BAIAP2L1: variants seen among roughly 807,000 people sequenced by gnomAD.
BAIAP2L1 encodes the protein BAR/IMD domain containing adaptor protein 2 like 1, also known as BAR/IMD domain-containing adapter protein 2-like 1.
A neutral mutation model predicts 66.3 loss-of-function variants in BAIAP2L1; 35 were observed. That is an observed-to-expected ratio of 0.53 (90% CI 0.40 to 0.70). The LOEUF (loss-of-function observed/expected upper bound fraction) is 0.70. Among genes scored for constraint, BAIAP2L1 ranks in the 30% least tolerant of loss-of-function variants. The probability of loss-of-function intolerance (pLI) is 0.00; values close to 1 mark genes in which losing one functional copy is unlikely to be tolerated. For missense variants in BAIAP2L1, 622 were observed against 656.9 expected (o/e 0.95, Z 0.58); for synonymous variants, 269 against 248.7 (o/e 1.08, Z -0.77).
chr7:98,400,026 C>A (rs948252915), intron 1 of BAIAP2L1: 1 of 151,872 alleles, frequency 6.6e-6, no homozygotes, highest in East Asian at 2.0e-4. Context: ...CATTCTTGGG[C>A]GCTTTCTTTT....
chr7:98,384,948 C>G (rs1802852659), intron 1 of BAIAP2L1, among the ~76,000 whole-genome samples: 1 of 152,300 alleles, frequency 6.6e-6, no homozygotes, highest in Admixed American at 6.5e-5. Flanking sequence ...ATCCAACCAC[C>G]TTGGCCACCC....
At chr7:98,300,463 T>C (rs544606535) in intron 12 of BAIAP2L1, among the ~76,000 whole-genome samples, 20 of 152,330 alleles carry the variant, frequency 1.3e-4, no homozygotes, top group African/African-American at 4.1e-4. Context: ...CTGCATAGGA[T>C]GTTAGAATAA....
intron 1 of BAIAP2L1, chr7:98,386,392 G>C (rs943474872): frequency 6.3e-7 from 1 of 1,591,424 alleles, no homozygotes; most frequent in Non-Finnish European, 8.5e-7. Flanking sequence ...TCAAACACAC[G>C]ACCCTTGAGA....
chr7:98,325,966 G>A (rs1318296770), intron 3 of BAIAP2L1, among the ~76,000 whole-genome samples: 2 of 152,218 alleles, frequency 1.3e-5, no homozygotes, highest in Non-Finnish European at 2.9e-5. Flanking sequence ...TGGAAGTGAG[G>A]TGCCCTCCTG....
At chr7:98,369,006 T>C (rs1364657452) in intron 1 of BAIAP2L1, among the ~76,000 whole-genome samples, 1 of 151,766 alleles carries the variant, frequency 6.6e-6, no homozygotes, top group African/African-American at 2.4e-5. Flanking sequence ...CTGCGTCACA[T>C]GGTAGGCACG....
chr7:98,313,975 TTTC>T (rs1416544552), intron 7 of BAIAP2L1, among the ~76,000 whole-genome samples: 1 of 143,892 alleles, frequency 6.9e-6, no homozygotes, highest in Non-Finnish European at 1.5e-5. Context: ...AATACTCCTT[TTTC>T]TTCCTTTTTT....
At chr7:98,318,530 T>C (rs989790674) in intron 5 of BAIAP2L1, among the ~76,000 whole-genome samples, 10 of 151,760 alleles carry the variant, frequency 6.6e-5, no homozygotes, top group African/African-American at 1.2e-4. Context: ...CCACCCGCCT[T>C]GGCCTCCCAA....
chr7:98,393,130 T>C (rs898907679), intron 1 of BAIAP2L1, among the ~76,000 whole-genome samples: 8 of 101,072 alleles, frequency 7.9e-5, no homozygotes, highest in African/African-American at 1.2e-4. Context: ...TATGTATATA[T>C]ACACACATAT....
intron 1 of BAIAP2L1, among the ~76,000 whole-genome samples, chr7:98,381,069 T>C (rs975628285): frequency 2.0e-4 from 31 of 152,230 alleles, no homozygotes; most frequent in African/African-American, 7.5e-4. Context: ...TATGGAGCCG[T>C]CCACAGCCAT....
intron 12 of BAIAP2L1, among the ~76,000 whole-genome samples, chr7:98,297,107 G>T (rs1004983141): frequency 2.6e-5 from 4 of 152,252 alleles, no homozygotes; most frequent in African/African-American, 9.6e-5. Flanking sequence ...GCCACTACGA[G>T]AGTGGTTGGG....
At chr7:98,376,347 A>G (rs1445553465) in intron 1 of BAIAP2L1, among the ~76,000 whole-genome samples, 2 of 151,792 alleles carry the variant, frequency 1.3e-5, no homozygotes, top group African/African-American at 4.8e-5. Flanking sequence ...TACCAAAAAC[A>G]ACAAAAAAAA....
intron 1 of BAIAP2L1, among the ~76,000 whole-genome samples, chr7:98,387,740 G>T (rs899548357): frequency 6.6e-6 from 1 of 151,780 alleles, no homozygotes; most frequent in Non-Finnish European, 1.5e-5. Context: ...GGTGGTGCAC[G>T]CCTGTAGTCC....
At chr7:98,360,863 T>C (rs1265041183) in intron 2 of BAIAP2L1, among the ~76,000 whole-genome samples, 2 of 152,142 alleles carry the variant, frequency 1.3e-5, no homozygotes, top group African/African-American at 4.8e-5. Context: ...TTCCTGCTGC[T>C]GAAATCTCCG....
chr7:98,343,288 GACACAC>G (rs1383923666), intron 3 of BAIAP2L1, among the ~76,000 whole-genome samples: 6 of 79,890 alleles, frequency 7.5e-5, no homozygotes, highest in African/African-American at 3.0e-4. Flanking sequence ...CACACACACA[GACACAC>G]ACACACACTA....
At chr7:98,381,812 G>C (rs1802765320) in intron 1 of BAIAP2L1, among the ~76,000 whole-genome samples, 1 of 151,996 alleles carries the variant, frequency 6.6e-6, no homozygotes, top group African/African-American at 2.4e-5. Flanking sequence ...AATACACTGA[G>C]GTAAGAAAGA....
intron 1 of BAIAP2L1, among the ~76,000 whole-genome samples, chr7:98,388,606 G>GTCC (rs1802952074): frequency 6.6e-6 from 1 of 152,214 alleles, no homozygotes; most frequent in Non-Finnish European, 1.5e-5. Context: ...CATAACTGAT[G>GTCC]TCCTGTATCT....
chr7:98,294,483 T>C lies in BAIAP2L1; in HGVS notation c.1423-372A>G, dbSNP rs373197391. Among the ~76,000 whole-genome samples, 8 of 152,328 alleles carry C rather than the reference T, an allele frequency of 5.3e-5. No individual in the cohort carries two copies. In the East Asian group the frequency reaches 9.6e-4, roughly 18 times the overall value. On this transcript the variant is annotated intron_variant, in intron 12 of 13. Coordinates refer to ENST00000005260, the MANE Select transcript of BAIAP2L1 (RefSeq NM_018842.5). ...AGCGTGAACAGAGCATGGCACTGCC[T>C]GCGCGGGTCACCCGTGATGTCGGGA...
chr7:98,307,391 C>T, intron 10 of BAIAP2L1: 1 of 1,216,436 alleles, frequency 8.2e-7, no homozygotes, highest in Non-Finnish European at 1.0e-6. Context: ...CAAGCATGAG[C>T]CACTGCACTG....
chr7:98,304,155 C>A, intron 12 of BAIAP2L1, 41 bp downstream of exon 12: 1 of 1,505,180 alleles, frequency 6.6e-7, no homozygotes, highest in Non-Finnish European at 8.9e-7. Context: ...TCGGGGATGG[C>A]GAGTCCAGGA....
Sources: gnomAD v4.1 joint callset for allele counts (sites outside exome capture counted in the v4.1 genomes callset) on GRCh38, gnomAD v4.1.1 for gene constraint, MANE v1.5 for transcripts, NCBI Gene and HGNC (gene_info 2026-07-23, HGNC 2026-07-21) for gene names.